Variants in ATF7IP2 observed in about 807,000 individuals in gnomAD.
ATF7IP2 encodes the protein activating transcription factor 7 interacting protein 2.
Under a neutral mutation model 64.2 loss-of-function variants are expected in ATF7IP2, and 42 were observed. The observed-to-expected ratio is 0.65, with a 90% CI of 0.51 to 0.85. The LOEUF is 0.85. ATF7IP2 is among the 40% of genes least tolerant of loss of function. The pLI is 0.00. For synonymous variants in ATF7IP2, 308 were observed against 272.8 expected (o/e 1.13, Z -1.27); for missense variants, 933 against 784.2 (o/e 1.19, Z -2.27).
rs374510087 is a variant in ATF7IP2, at chr16:10,473,512, A to G, written c.1460A>G (p.Asn487Ser). Residue 487 changes from asparagine to serine, a missense_variant, in exon 11 of 14, where the codon AAT becomes AGT. Coordinates refer to ENST00000562102, the MANE Select transcript of ATF7IP2 (RefSeq NM_001393719.1). The stretch of plus-strand genomic sequence containing the variant: ...AAAATTACATCAGGAAATTCTAGCA[A>G]TTCTCCCAATGCTGAAGTTATGGTG... ...TRKITSGNSSNSPNAEVMAVQ... is the reference protein window; with the variant it reads ...TRKITSGNSSSSPNAEVMAVQ... 24 of 1,571,360 alleles carry G rather than the reference A, an allele frequency of 1.5e-5. No homozygotes were observed. Among genetic ancestry groups the G allele is most frequent in the African/African-American group, 9.5e-5 (7 of 73,602 alleles).
At chr16:10,466,894 G>A (rs1485399666) in intron 9 of ATF7IP2, among the ~76,000 whole-genome samples, 1 of 150,394 alleles carries the variant, frequency 6.6e-6, no homozygotes, top group African/African-American at 2.4e-5. Context: ...TTGTTTTAAT[G>A]CTCTTGTTTT....
chr16:10,433,649 G>A lies in ATF7IP2; in HGVS notation c.960G>A (p.Gln320=). ...SLERQTAFLE[Q]VRHLIQQEIY... ...AAAGGCAAACAGCATTCCTGGAACA[G>A]GTAAAATATTGGGGCTTAAATGGAA... The change falls in exon 6 of 14, where the codon CAG becomes CAA. Residue 320 remains glutamine (Q), a splice_region_variant and synonymous_variant. Coordinates refer to ENST00000562102, the MANE Select transcript of ATF7IP2 (RefSeq NM_001393719.1). 6.2e-7 allele frequency: 1 copy of A among 1,612,772 alleles called. No individual in the cohort carries two copies. The highest frequency in any genetic ancestry group is 1.7e-5 in the Admixed American group (1 of 59,670).
At chr16:10,404,270 T>TGAGACAGAGTCTCA (rs1409036853) in intron 1 of ATF7IP2, among the ~76,000 whole-genome samples, 1 of 152,224 alleles carries the variant, frequency 6.6e-6, no homozygotes, top group East Asian at 1.9e-4. Context: ...TTTTCCTTTT[T>TGAGACAGAGTCTCA]GAGACAGAGT....
chr16:10,419,213 C>T (rs988477556), intron 2 of ATF7IP2, among the ~76,000 whole-genome samples: 1 of 152,192 alleles, frequency 6.6e-6, no homozygotes, highest in Non-Finnish European at 1.5e-5. Context: ...AGAATGATTA[C>T]ATCCAGGCAT....
rs2050268966 is a variant in ATF7IP2, at chr16:10,482,340, C to G, written c.*91C>G. The G allele has an allele frequency of 2.0e-6, 2 of 990,826 alleles. No homozygotes were observed. The highest frequency in any genetic ancestry group is 1.6e-5 in the African/African-American group (1 of 61,100). 61.4% of individuals were successfully genotyped at this position (990,826 alleles called of 1,614,324 possible). ...ACTATTTGCCATTGTAAAAGGCCAGCTCAGATTGTGAGCCCTTTCTATTGG... is the reference window on the plus strand; with the variant it reads ...ACTATTTGCCATTGTAAAAGGCCAGGTCAGATTGTGAGCCCTTTCTATTGG... On this transcript the variant is annotated 3_prime_UTR_variant, in exon 14 of 14. Coordinates refer to ENST00000562102, the MANE Select transcript of ATF7IP2 (RefSeq NM_001393719.1).
At position 10,433,632 on chromosome 16, in the gene ATF7IP2, A is replaced by T; in HGVS notation, c.943A>T (p.Thr315Ser). 3 of 1,613,862 alleles carry T rather than the reference A, an allele frequency of 1.9e-6. No individual in the cohort carries two copies. The highest frequency in any genetic ancestry group is 2.5e-6 in the Non-Finnish European group (3 of 1,179,846). ...ENICVSLERQ[T>S]AFLEQVRHLI... is the part of the protein sequence containing the mutation. ...TATTTGTGTAAGTTTGGAAAGGCAA[A>T]CAGCATTCCTGGAACAGGTAAAATA... is the stretch of plus-strand genomic sequence containing the variant. Residue 315 changes from threonine (T) to serine (S), a missense_variant, in exon 6 of 14, where the codon ACA becomes TCA. Transcript: ENST00000562102.
intron 9 of ATF7IP2, among the ~76,000 whole-genome samples, chr16:10,458,519 T>TTATAAAAC (rs1482462375): frequency 5.3e-5 from 8 of 152,362 alleles, no homozygotes; most frequent in Admixed American, 5.2e-4. Flanking sequence ...ACCCTGCGAT[T>TTATAAAAC]TATAAAACTG....
At chr16:10,454,017 T>G in intron 8 of ATF7IP2, 1 of 152,108 alleles carries the variant, frequency 6.6e-6, no homozygotes, top group East Asian at 1.9e-4. Context: ...AGTTTTTTTT[T>G]TTTTTCCATC....
At chr16:10,414,473 T>C (rs957697456) in intron 1 of ATF7IP2, 101 bp from the exon 2 acceptor site, 1 of 152,012 alleles carries the variant, frequency 6.6e-6, no homozygotes, top group Non-Finnish European at 1.5e-5. Flanking sequence ...TTTCTCCCCT[T>C]ATTTCTTGTA....
intron 8 of ATF7IP2, chr16:10,446,177 C>T (rs1407773100): frequency 2.0e-5 from 3 of 152,144 alleles, no homozygotes; most frequent in Non-Finnish European, 2.9e-5. Flanking sequence ...TGAAAGGGGT[C>T]TCTCTTAAAT....
At chr16:10,454,098 A>AT (rs1354372054) in intron 8 of ATF7IP2, 2 of 151,550 alleles carry the variant, frequency 1.3e-5, no homozygotes, top group Non-Finnish European at 2.9e-5. Context: ...ATTCACTGTC[A>AT]TAAAGTTATC....
At chr16:10,405,173 G>A (rs1335118747) in intron 1 of ATF7IP2, among the ~76,000 whole-genome samples, 1 of 151,564 alleles carries the variant, frequency 6.6e-6, no homozygotes, top group Non-Finnish European at 1.5e-5. Flanking sequence ...GACCAGCCTG[G>A]CCAACATGGT....
In ATF7IP2 at chr16:10,482,014, G is replaced by C. The variant is rs1378390344; in HGVS notation, c.1814G>C (p.Cys605Ser). 1 of 1,613,968 alleles carries C rather than the reference G, an allele frequency of 6.2e-7. No homozygotes were observed. Among genetic ancestry groups the C allele is most frequent in the Non-Finnish European group, 8.5e-7 (1 of 1,179,936 alleles). Residue 605 changes from cysteine (C) to serine (S), a missense_variant, in exon 14 of 14, where the codon TGT (cysteine) becomes TCT (serine). Cys to Ser is a moderately radical substitution (Grantham distance 112, BLOSUM62 -1). Transcript: ENST00000562102. ...AATATAACCAAAATCAATCCCAAGT[G>C]TGCTCCTGTAGAAAGCTACCACCTC... ...TWNITKINPK[C>S]APVESYHLFL... is the part of the protein sequence containing the mutation.
intron 7 of ATF7IP2, among the ~76,000 whole-genome samples, chr16:10,439,572 G>A (rs2048541793): frequency 8.3e-6 from 1 of 119,934 alleles, no homozygotes; most frequent in South Asian, 2.7e-4. Flanking sequence ...TCACTCTGTC[G>A]CCTAGGCTGG....
intron 7 of ATF7IP2, among the ~76,000 whole-genome samples, chr16:10,439,609 T>A (rs895465410): frequency 7.0e-6 from 1 of 143,438 alleles, no homozygotes; most frequent in African/African-American, 2.6e-5. Flanking sequence ...CTCAGCTCAC[T>A]GCAACCTCTG....
At chr16:10,387,190 G>A (rs1048068044) in intron 1 of ATF7IP2, 1 of 152,150 alleles carries the variant, frequency 6.6e-6, no homozygotes, top group African/African-American at 2.4e-5. Flanking sequence ...AAATGGGGAA[G>A]ACCAAGATAA....
At chr16:10,447,056 C>CG (rs565472524) in intron 8 of ATF7IP2, 21 of 152,312 alleles carry the variant, frequency 1.4e-4, no homozygotes, top group African/African-American at 4.8e-4. Flanking sequence ...AAAACCCTGA[C>CG]GGGACCCCCA....
At chr16:10,465,086 T>C (rs1482109644) in intron 9 of ATF7IP2, among the ~76,000 whole-genome samples, 1 of 152,172 alleles carries the variant, frequency 6.6e-6, no homozygotes, top group East Asian at 1.9e-4. Context: ...TGCCTCAGCC[T>C]CCCAAAGTGG....
Position 10,412,839 on chromosome 16 carries a change from T to C in ATF7IP2, c.-241-1735T>C, listed in dbSNP as rs575575016. On this transcript the variant is annotated intron_variant, in intron 1 of 13. Coordinates refer to ENST00000562102, the MANE Select transcript of ATF7IP2 (RefSeq NM_001393719.1). ...TCTTAAGTTTTATCAGTTTGGGAAC[T>C]CCAGTGTTAGGTACTTATATATTTA... Among the ~76,000 whole-genome samples, 71 of 152,296 alleles carry C rather than the reference T, an allele frequency of 4.7e-4. 1 individual carries two copies. In the South Asian group the frequency reaches 0.014, roughly 31 times the overall value.
Sources: allele counts gnomAD v4.1 joint callset (sites outside exome capture counted in the v4.1 genomes callset), GRCh38; gene constraint gnomAD v4.1.1; transcripts MANE v1.5; gene names NCBI Gene and HGNC (gene_info 2026-07-23, HGNC 2026-07-21).